The following SGK3 variants were observed in gnomAD, a reference collection of about 807,000 sequenced individuals.
SGK3 encodes the protein serum/glucocorticoid regulated kinase family member 3, also known as serine/threonine-protein kinase Sgk3.
Under a neutral mutation model 68.5 loss-of-function variants are expected in SGK3, and 47 were observed. The observed-to-expected ratio is 0.69, with a 90% CI of 0.54 to 0.87. The LOEUF (loss-of-function observed/expected upper bound fraction) is 0.87. Ranked by LOEUF, SGK3 falls within the 40% of genes least tolerant of loss-of-function variation. SGK3 has a pLI of 0.00. For synonymous variants in SGK3, 181 were observed against 189.1 expected, an observed-to-expected ratio of 0.96 and a Z score of 0.35; for missense variants, 479 against 575.5, an observed-to-expected ratio of 0.83 and a Z score of 1.72.
At chr8:66,838,338 A>G (rs1402391991) in intron 10 of SGK3, among the ~76,000 whole-genome samples, 1 of 152,170 alleles carries the variant, frequency 6.6e-6, no homozygotes, top group East Asian at 1.9e-4. Context: ...TGCTGGAATT[A>G]AAGGCGTGAG....
intron 2 of SGK3, among the ~76,000 whole-genome samples, chr8:66,798,023 T>C (rs549249367): frequency 5.3e-5 from 8 of 152,214 alleles, no homozygotes; most frequent in Non-Finnish European, 1.0e-4. Context: ...TTTTTTTTTT[T>C]CCAAGTCATG....
intron 1 of SGK3, among the ~76,000 whole-genome samples, chr8:66,777,644 C>G (rs575407240): frequency 6.6e-5 from 10 of 152,272 alleles, no homozygotes; most frequent in African/African-American, 2.4e-4. Context: ...TTTCTTCATT[C>G]CCTTCATTTT....
intron 1 of SGK3, among the ~76,000 whole-genome samples, chr8:66,720,674 G>T (rs957209929): frequency 6.6e-6 from 1 of 151,866 alleles, no homozygotes; most frequent in Non-Finnish European, 1.5e-5. Flanking sequence ...GGAGGCTGAG[G>T]CAAGAGAATT....
intron 12 of SGK3, chr8:66,840,812 C>T (rs973327208): frequency 1.7e-4 from 54 of 311,346 alleles, no homozygotes; most frequent in African/African-American, 1.1e-3. Context: ...CCAGGTGGCA[C>T]GCGCCTGTGG....
intron 5 of SGK3, among the ~76,000 whole-genome samples, chr8:66,820,388 C>T (rs573198069): frequency 1.4e-4 from 21 of 152,210 alleles, no homozygotes; most frequent in South Asian, 1.0e-3. Context: ...TAGTGCTCTT[C>T]GTTCCTTTTT....
At chr8:66,793,855 G>A in intron 2 of SGK3, 23 bp downstream of exon 2, 1 of 1,604,690 alleles carries the variant, frequency 6.2e-7, no homozygotes, top group Non-Finnish European at 8.5e-7. Flanking sequence ...CATAAAGCAT[G>A]TGGGAAAAAA....
Position 66,804,306 on chromosome 8 carries a change from G to A in SGK3, c.181-69G>A, listed in dbSNP as rs986881846. On this transcript the variant is annotated intron_variant, in intron 3 of 16. Coordinates refer to ENST00000521198, the MANE Select transcript of SGK3 (RefSeq NM_001033578.3). ...TTTCTTTAAAATAAGATTGTATTTG[G>A]CTTTGATGTGTGCATAACTAGAAGA... 15 of 1,315,200 alleles carry A rather than the reference G, an allele frequency of 1.1e-5. No individual in the cohort carries two copies. In the South Asian group the frequency reaches 2.0e-4, roughly 18 times the overall value. The allele number at this position is 1,315,200 out of a possible 1,614,324, so 81.5% of individuals were successfully genotyped here.
chr8:66,787,817 A>T (rs1252107092), intron 1 of SGK3, among the ~76,000 whole-genome samples: 3 of 152,210 alleles, frequency 2.0e-5, no homozygotes, highest in African/African-American at 7.2e-5. Flanking sequence ...TTTAAAAAAT[A>T]TATAATTTTC....
At chr8:66,819,586 A>T (rs1052808909) in intron 5 of SGK3, among the ~76,000 whole-genome samples, 1 of 152,202 alleles carries the variant, frequency 6.6e-6, no homozygotes. Flanking sequence ...TTATTATGTA[A>T]TTTTAAAGTG....
intron 5 of SGK3, among the ~76,000 whole-genome samples, chr8:66,815,919 A>G (rs557692373): frequency 6.6e-6 from 1 of 152,336 alleles, no homozygotes; most frequent in Non-Finnish European, 1.5e-5. Flanking sequence ...ATTTTTAAAT[A>G]TATATACACC....
intron 2 of SGK3, 101 bp downstream of exon 2, chr8:66,793,933 C>T (rs1359426077): frequency 1.7e-6 from 2 of 1,192,412 alleles, no homozygotes; most frequent in African/African-American, 3.0e-5. Flanking sequence ...TTCCCCATCT[C>T]CACATACCTA....
At chr8:66,831,995 G>A (rs1171512858) in intron 8 of SGK3, among the ~76,000 whole-genome samples, 1 of 152,034 alleles carries the variant, frequency 6.6e-6, no homozygotes, top group African/African-American at 2.4e-5. Flanking sequence ...TAACAGCAGT[G>A]CAGGAAATGA....
intron 14 of SGK3, among the ~76,000 whole-genome samples, chr8:66,843,844 A>C (rs1809896285): frequency 1.3e-5 from 2 of 151,972 alleles, no homozygotes; most frequent in Admixed American, 6.6e-5. Flanking sequence ...AAATACAAAA[A>C]ATTATCTGGG....
chr8:66,771,786 C>A (rs959166381), intron 1 of SGK3, among the ~76,000 whole-genome samples: 1 of 152,098 alleles, frequency 6.6e-6, no homozygotes, highest in African/African-American at 2.4e-5. Flanking sequence ...TAAGCATTTA[C>A]TATGGGTATA....
At chr8:66,775,315 C>G (rs1311315504) in intron 1 of SGK3, 1 of 152,342 alleles carries the variant, frequency 6.6e-6, no homozygotes, top group East Asian at 1.9e-4. Context: ...GGTGGGTGCC[C>G]GAAGGTAAGC....
At chr8:66,727,726 AG>A (rs1403839586) in intron 1 of SGK3, among the ~76,000 whole-genome samples, 1 of 152,232 alleles carries the variant, frequency 6.6e-6, no homozygotes, top group Non-Finnish European at 1.5e-5. Context: ...GGCCCTCAAC[AG>A]GTGCTGACAC....
chr8:66,739,406 T>A (rs907817694), intron 1 of SGK3, among the ~76,000 whole-genome samples: 1 of 152,124 alleles, frequency 6.6e-6, no homozygotes, highest in South Asian at 2.1e-4. Flanking sequence ...TATTTATTTA[T>A]TTTTTGAGAC....
At chr8:66,835,562 T>G (rs976853706) in intron 8 of SGK3, among the ~76,000 whole-genome samples, 1 of 151,910 alleles carries the variant, frequency 6.6e-6, no homozygotes, top group African/African-American at 2.4e-5. Flanking sequence ...TAAATTTAGT[T>G]TAAAAAATCT....
At chr8:66,784,436 G>C (rs1318603062) in intron 1 of SGK3, among the ~76,000 whole-genome samples, 3 of 152,130 alleles carry the variant, frequency 2.0e-5, no homozygotes, top group African/African-American at 7.2e-5. Context: ...GGTAAGAATG[G>C]GAAGTGATAC....
Sources: gnomAD v4.1 joint callset for allele counts (sites outside exome capture counted in the v4.1 genomes callset) on GRCh38, gnomAD v4.1.1 for gene constraint, MANE v1.5 for transcripts, NCBI Gene and HGNC (gene_info 2026-07-23, HGNC 2026-07-21) for gene names.